Variants in CSMD2 observed in about 807,000 individuals in gnomAD.
CSMD2 encodes the protein CUB and sushi domain-containing protein 2.
CSMD2 carries 130 observed loss-of-function variants against 398.5 expected under a neutral mutation model. The ratio of observed to expected loss-of-function variants is 0.33; its 90% CI spans 0.28 to 0.38. CSMD2 has a LOEUF of 0.38. Among genes scored for constraint, CSMD2 ranks in the 10% least tolerant of loss-of-function variants. CSMD2 has a pLI of 1.00. For synonymous variants in CSMD2, 1,828 were observed against 1,908.5 expected (o/e 0.96, Z 1.10); for missense variants, 3,829 against 4,764.9 (o/e 0.80, Z 5.78).
At chr1:33,715,142 T>C (rs555633768) in intron 20 of CSMD2, among the ~76,000 whole-genome samples, 1 of 152,284 alleles carries the variant, frequency 6.6e-6, no homozygotes, top group East Asian at 1.9e-4. Context: ...CTCTTCTCTG[T>C]GCTATCCTTT....
intron 51 of CSMD2, among the ~76,000 whole-genome samples, chr1:33,570,166 C>CTTTTTTT (rs5773416): frequency 2.3e-3 from 273 of 117,286 alleles, no homozygotes; most frequent in East Asian, 4.1e-3. Flanking sequence ...CGGACATTGG[C>CTTTTTTT]TTTTTTTTTT....
At chr1:33,672,623 C>T (rs1231344375) in intron 25 of CSMD2, among the ~76,000 whole-genome samples, 1 of 152,156 alleles carries the variant, frequency 6.6e-6, no homozygotes, top group Non-Finnish European at 1.5e-5. Context: ...AGTGGTTCTC[C>T]CAGCACGCAG....
In CSMD2 at chr1:34,159,338, C is replaced by T. The variant is rs773836455; in HGVS notation, c.187+5573G>A. On this transcript the variant is annotated intron_variant, in intron 1 of 70. Transcript: ENST00000373381. ...ATGACTTTACAGCCTGCCCCCCCCC[C>T]ACCCAGGAGCTTGTGGTGGAAAGGA... 5.1e-3 allele frequency among the ~76,000 whole-genome samples: 725 copies of T among 142,854 alleles called. 12 individuals carry two copies. The highest frequency in any genetic ancestry group is 0.019 in the African/African-American group (683 of 36,866). 93.7% of individuals were successfully genotyped at this position (142,854 alleles called of 152,430 possible).
chr1:33,914,135 G>A (rs926637242), intron 5 of CSMD2, among the ~76,000 whole-genome samples: 3 of 152,134 alleles, frequency 2.0e-5, no homozygotes, highest in Non-Finnish European at 4.4e-5. Context: ...TGATGGAAAG[G>A]AATGGAGCTC....
At chr1:34,102,750 G>T (rs1173786667) in intron 1 of CSMD2, among the ~76,000 whole-genome samples, 1 of 152,158 alleles carries the variant, frequency 6.6e-6, no homozygotes, top group Admixed American at 6.5e-5. Flanking sequence ...TTCCCCAGTA[G>T]CCATGGGACC....
chr1:33,655,312 C>T (rs2148978043), intron 27 of CSMD2, among the ~76,000 whole-genome samples: 1 of 152,312 alleles, frequency 6.6e-6, no homozygotes, highest in South Asian at 2.1e-4. Flanking sequence ...CCTCTATTTC[C>T]TCATCTCGAA....
At position 33,524,868 on chromosome 1, in the gene CSMD2, G is replaced by A; in HGVS notation, c.10396+14C>T. On this transcript the variant is annotated intron_variant, in intron 66 of 70. Transcript: ENST00000373381. ...TCCATCCTCCCGGCTTTCATAGAGG[G>A]GCCTGCTCCTTACCAGCCAAGTGCA... 6.2e-7 allele frequency: 1 copy of A among 1,613,294 alleles called. No individual in the cohort carries two copies. Among genetic ancestry groups the A allele is most frequent in the African/African-American group, 1.3e-5 (1 of 75,006 alleles).
In CSMD2 at chr1:33,854,689, C is replaced by T. The variant is rs555095232; in HGVS notation, c.921-7693G>A. ...GCAAATGTTCCCCTTTCCCCAGAAGCAACTCAATAAACTCAACAAATTATC... is the reference window on the plus strand; with the variant it reads ...GCAAATGTTCCCCTTTCCCCAGAAGTAACTCAATAAACTCAACAAATTATC... On this transcript the variant is annotated intron_variant, in intron 5 of 70. Transcript: ENST00000373381. Among the ~76,000 whole-genome samples, 14 of 152,354 alleles carry T rather than the reference C, an allele frequency of 9.2e-5. No homozygotes were observed. In the East Asian group the frequency reaches 2.7e-3, roughly 29 times the overall value.
Position 34,165,193 on chromosome 1 carries a change from C to T in CSMD2, c.-96G>A. 4 of 1,167,536 alleles carry T rather than the reference C, an allele frequency of 3.4e-6. No homozygotes were observed. Among genetic ancestry groups the T allele is most frequent in the Non-Finnish European group, 4.2e-6 (4 of 946,902 alleles). The allele number at this position is 1,167,536 out of a possible 1,614,324, so 72.3% of individuals were successfully genotyped here. A position where few individuals can be genotyped will look rare whatever the true frequency, so the allele number is the denominator to read the frequency against. On this transcript the variant is annotated 5_prime_UTR_variant, in exon 1 of 71. Transcript: ENST00000373381. The stretch of plus-strand genomic sequence containing the variant: ...GAGCTTTTTTCTGCTCGGAAAAAAT[C>T]CCGGTACGCGGGAGCCCTGAGCTTC...
intron 25 of CSMD2, among the ~76,000 whole-genome samples, chr1:33,676,408 T>C (rs1238841597): frequency 1.3e-5 from 2 of 152,166 alleles, no homozygotes; most frequent in Admixed American, 6.5e-5. Flanking sequence ...ACAAGGGATG[T>C]GAAGGACCTC....
intron 12 of CSMD2, among the ~76,000 whole-genome samples, chr1:33,785,711 T>C (rs472363): frequency 0.33 from 50,640 of 152,074 alleles, 8,947 homozygotes; most frequent in African/African-American, 0.44. Context: ...TGGAGGTCCC[T>C]GGAGGGTACC....
chr1:33,991,880 A>T (rs915220564), intron 3 of CSMD2, among the ~76,000 whole-genome samples: 1 of 152,182 alleles, frequency 6.6e-6, no homozygotes, highest in Non-Finnish European at 1.5e-5. Flanking sequence ...AATAAAAAAA[A>T]AGCAAATACC....
At chr1:33,761,201 T>G (rs1261426659) in intron 13 of CSMD2, among the ~76,000 whole-genome samples, 2 of 152,084 alleles carry the variant, frequency 1.3e-5, no homozygotes, top group Admixed American at 6.5e-5. Flanking sequence ...CACTGTGAGA[T>G]TCTGAGGAAC....
intron 64 of CSMD2, among the ~76,000 whole-genome samples, chr1:33,531,530 G>A (rs938034532): frequency 6.6e-6 from 1 of 152,150 alleles, no homozygotes; most frequent in African/African-American, 2.4e-5. Context: ...GTTCACAGAA[G>A]TATTATTTGT....
At chr1:34,023,994 T>C (rs12048475) in intron 3 of CSMD2, among the ~76,000 whole-genome samples, 17,039 of 152,210 alleles carry the variant, frequency 0.11, 1,497 homozygotes, top group East Asian at 0.38. Context: ...CCTATTAAAG[T>C]GGGCATTATA....
chr1:34,154,194 C>T (rs1294637869), intron 1 of CSMD2, among the ~76,000 whole-genome samples: 1 of 152,146 alleles, frequency 6.6e-6, no homozygotes, highest in African/African-American at 2.4e-5. Context: ...CGAGATGGCA[C>T]TTTACACTCC....
At chr1:34,165,599 AAC>A (rs113072230), upstream of CSMD2, 74,033 of 477,278 alleles carry the variant, frequency 0.16, 755 homozygotes, top group East Asian at 0.18. Flanking sequence ...CACACACACA[AAC>A]ACACACACAC....
chr1:33,534,859 C>T (rs978964271), intron 62 of CSMD2, among the ~76,000 whole-genome samples: 4 of 152,278 alleles, frequency 2.6e-5, no homozygotes, highest in Admixed American at 6.5e-5. Context: ...TCAATGAGTC[C>T]TCTTGGTTCT....
chr1:34,026,352 C>T (rs569726101), intron 3 of CSMD2, among the ~76,000 whole-genome samples: 21 of 152,290 alleles, frequency 1.4e-4, no homozygotes, highest in Non-Finnish European at 2.8e-4. Flanking sequence ...AAGGGTACCT[C>T]ATCCTTCTAA....
Sources: allele counts gnomAD v4.1 joint callset (sites outside exome capture counted in the v4.1 genomes callset), GRCh38; gene constraint gnomAD v4.1.1; transcripts MANE v1.5; gene names NCBI Gene and HGNC (gene_info 2026-07-23, HGNC 2026-07-21).